The following RHBDL3 variants were observed in gnomAD, a reference collection of about 807,000 sequenced individuals.
RHBDL3 encodes the protein rhomboid-related protein 3.
Under a neutral mutation model 48.2 loss-of-function variants are expected in RHBDL3, and 28 were observed. That is an observed-to-expected ratio of 0.58 (90% CI 0.43 to 0.80). RHBDL3 has a LOEUF of 0.80. Ranked by LOEUF, RHBDL3 falls within the 30% of genes least tolerant of loss-of-function variation. RHBDL3 has a pLI of 0.00. For synonymous variants in RHBDL3, 208 were observed against 232.3 expected (o/e 0.90, Z 0.95); for missense variants, 464 against 542.7 (o/e 0.85, Z 1.44).
chr17:32,293,088 G>A (rs2040369163), intron 4 of RHBDL3, among the ~76,000 whole-genome samples: 1 of 147,004 alleles, frequency 6.8e-6, no homozygotes, highest in Admixed American at 7.0e-5. Flanking sequence ...GACAAATACT[G>A]TATGATTCCA....
Position 32,266,564 on chromosome 17 carries a change from C to T in RHBDL3, c.111+264C>T, listed in dbSNP as rs1597599530. On this transcript the variant is annotated intron_variant, in intron 1 of 8. Coordinates refer to ENST00000269051, the MANE Select transcript of RHBDL3 (RefSeq NM_138328.3). ...GCCGCGGACCTGTCACCGCCGGAGC[C>T]CCCTCCCCGCCGCTGGTGCAGTGCC... 4.6e-5 allele frequency among the ~76,000 whole-genome samples: 7 copies of T among 152,272 alleles called. No homozygotes were observed. In the South Asian group the frequency reaches 1.4e-3, roughly 32 times the overall value.
At chr17:32,300,443 A>G (rs2040555465) in intron 6 of RHBDL3, among the ~76,000 whole-genome samples, 1 of 152,112 alleles carries the variant, frequency 6.6e-6, no homozygotes, top group Non-Finnish European at 1.5e-5. Flanking sequence ...CCCACCAGCT[A>G]CTTGGGAGGC....
At chr17:32,287,562 C>A (rs2150713241) in intron 3 of RHBDL3, among the ~76,000 whole-genome samples, 1 of 152,212 alleles carries the variant, frequency 6.6e-6, no homozygotes, top group African/African-American at 2.4e-5. Context: ...TGGGGGGACC[C>A]TATAGATGGA....
At chr17:32,300,587 C>A (rs569686403) in intron 6 of RHBDL3, among the ~76,000 whole-genome samples, 2 of 152,222 alleles carry the variant, frequency 1.3e-5, no homozygotes, top group East Asian at 3.9e-4. Flanking sequence ...CAAAGGAGAC[C>A]TTAATAGATG....
At chr17:32,305,200 C>T (rs560023717) in intron 6 of RHBDL3, 141 bp from the exon 7 acceptor site, 11 of 648,642 alleles carry the variant, frequency 1.7e-5, no homozygotes, top group African/African-American at 1.6e-4. Flanking sequence ...ATCTCCCTGG[C>T]AACATGGACT....
intron 7 of RHBDL3, among the ~76,000 whole-genome samples, chr17:32,309,047 CAGAG>C (rs10586485): frequency 2.0e-4 from 30 of 151,434 alleles, no homozygotes; most frequent in African/African-American, 7.3e-4. Context: ...GCCTGGGTGA[CAGAG>C]AGAGAGAGAC....
At chr17:32,284,278 C>G in intron 2 of RHBDL3, 1 of 164,434 alleles carries the variant, frequency 6.1e-6, no homozygotes, top group East Asian at 1.8e-4. Context: ...TTCCCTTTGC[C>G]AGTCGCAGCT....
At chr17:32,278,222 TG>T (rs2039959037) in intron 2 of RHBDL3, among the ~76,000 whole-genome samples, 1 of 152,136 alleles carries the variant, frequency 6.6e-6, no homozygotes, top group African/African-American at 2.4e-5. Context: ...TGCTTGAACC[TG>T]GGAGGTGGAG....
intron 6 of RHBDL3, among the ~76,000 whole-genome samples, chr17:32,304,989 C>T (rs1324736072): frequency 6.6e-6 from 1 of 152,048 alleles, no homozygotes; most frequent in Non-Finnish European, 1.5e-5. Flanking sequence ...GGCATTGTGG[C>T]GCACGACTGT....
intron 6 of RHBDL3, among the ~76,000 whole-genome samples, chr17:32,301,017 T>C (rs993082683): frequency 2.0e-5 from 3 of 152,116 alleles, no homozygotes; most frequent in Non-Finnish European, 4.4e-5. Context: ...ATAGCTGGGA[T>C]TGCAGGTGCC....
At chr17:32,278,978 A>C (rs1227105023) in intron 2 of RHBDL3, among the ~76,000 whole-genome samples, 1 of 151,890 alleles carries the variant, frequency 6.6e-6, no homozygotes, top group Non-Finnish European at 1.5e-5. Context: ...AAATTTAAAA[A>C]TTAGCCAGGT....
At chr17:32,269,461 G>T (rs1189546254) in intron 2 of RHBDL3, among the ~76,000 whole-genome samples, 1 of 152,258 alleles carries the variant, frequency 6.6e-6, no homozygotes, top group Non-Finnish European at 1.5e-5. Context: ...GCCGGAGTGG[G>T]CGTGATGACA....
intron 4 of RHBDL3, among the ~76,000 whole-genome samples, chr17:32,290,449 A>G (rs906230336): frequency 6.6e-6 from 1 of 152,206 alleles, no homozygotes; most frequent in Non-Finnish European, 1.5e-5. Flanking sequence ...CGAACCACCA[A>G]TCTAGAAGAA....
chr17:32,309,056 A>AGAGACT (rs2040776129), intron 7 of RHBDL3, among the ~76,000 whole-genome samples: 1 of 151,956 alleles, frequency 6.6e-6, no homozygotes, highest in African/African-American at 2.4e-5. Context: ...ACAGAGAGAG[A>AGAGACT]GAGACCCTGT....
intron 5 of RHBDL3, among the ~76,000 whole-genome samples, chr17:32,294,856 A>G (rs1292992241): frequency 1.3e-5 from 2 of 152,276 alleles, no homozygotes; most frequent in Non-Finnish European, 2.9e-5. Flanking sequence ...GTCTCCATAT[A>G]TAGAGAGGGT....
At chr17:32,313,901 CA>C (rs2040907602) in intron 7 of RHBDL3, among the ~76,000 whole-genome samples, 1 of 151,948 alleles carries the variant, frequency 6.6e-6, no homozygotes, top group African/African-American at 2.4e-5. Context: ...GGACTACAGG[CA>C]CCTGCCACCA....
chr17:32,290,860 G>A (rs1279507931), intron 4 of RHBDL3, among the ~76,000 whole-genome samples: 1 of 152,010 alleles, frequency 6.6e-6, no homozygotes, highest in Non-Finnish European at 1.5e-5. Flanking sequence ...AATTAGCCAG[G>A]CATGGTGGTA....
At chr17:32,299,114 G>T (rs2040524466) in intron 6 of RHBDL3, among the ~76,000 whole-genome samples, 1 of 151,420 alleles carries the variant, frequency 6.6e-6, no homozygotes, top group Admixed American at 6.6e-5. Context: ...GCCCAAGGGA[G>T]CTTTGTGTGT....
chr17:32,265,932 GGGCGGA>G lies in RHBDL3; in HGVS notation c.-248_-243del, dbSNP rs991000940. ...GCCTCGGAGCCGGGCGCGAGGGCCGGGGCGGAGGCGGAGGCCGGCGGGGCAGCTAGC... is the reference window on the plus strand; with the variant it reads ...GCCTCGGAGCCGGGCGCGAGGGCCGGGGCGGAGGCCGGCGGGGCAGCTAGC... On this transcript the variant is annotated 5_prime_UTR_variant, in exon 1 of 9. Transcript: ENST00000269051. Among the ~76,000 whole-genome samples the G allele has an allele frequency of 2.0e-5, 3 of 146,936 alleles. No homozygotes were observed. Among genetic ancestry groups the G allele is most frequent in the African/African-American group, 4.9e-5 (2 of 40,910 alleles).
Sources: gnomAD v4.1 joint callset for allele counts (sites outside exome capture counted in the v4.1 genomes callset) on GRCh38, gnomAD v4.1.1 for gene constraint, MANE v1.5 for transcripts, NCBI Gene and HGNC (gene_info 2026-07-23, HGNC 2026-07-21) for gene names.